KCNIP4: variants seen among roughly 807,000 people sequenced by gnomAD.
The protein encoded by KCNIP4 is Kv channel-interacting protein 4.
A neutral mutation model predicts 34.0 loss-of-function variants in KCNIP4; 12 were observed. The observed-to-expected ratio is 0.35, with a 90% CI of 0.23 to 0.57. KCNIP4 has a LOEUF of 0.57. Among genes scored for constraint, KCNIP4 ranks in the 20% least tolerant of loss-of-function variants. The pLI is 0.83. For missense variants in KCNIP4, 238 were observed against 311.7 expected (o/e 0.76, Z 1.78); for synonymous variants, 124 against 102.2 (o/e 1.21, Z -1.29).
At chr4:21,320,965 A>AAAAAAAAAAG (rs1714336694) in intron 1 of KCNIP4, among the ~76,000 whole-genome samples, 1 of 87,020 alleles carries the variant, frequency 1.1e-5, no homozygotes, top group South Asian at 4.7e-4. Context: ...AATCTGTCTT[A>AAAAAAAAAAG]AAAAAAAAAA....
At position 21,108,777 on chromosome 4, in the gene KCNIP4, G is replaced by A. The variant is rs1246899513; in HGVS notation, c.62-226068C>T. ...ATGGTGATGTACAGATGGGTTTTTGGTGTGGATGTCCTTTCTGTTTGTTGG... is the reference window on the plus strand; with the variant it reads ...ATGGTGATGTACAGATGGGTTTTTGATGTGGATGTCCTTTCTGTTTGTTGG... On this transcript the variant is annotated intron_variant, in intron 1 of 8. Transcript: ENST00000382152. Among the ~76,000 whole-genome samples, 9 of 152,060 alleles carry A rather than the reference G, an allele frequency of 5.9e-5. No individual in the cohort carries two copies. In the East Asian group the frequency reaches 1.5e-3, roughly 26 times the overall value.
At chr4:21,863,508 A>C (rs1036864404) in intron 1 of KCNIP4, among the ~76,000 whole-genome samples, 2 of 152,080 alleles carry the variant, frequency 1.3e-5, no homozygotes, top group African/African-American at 4.8e-5. Context: ...GCTATTTTTG[A>C]TAGATAGATG....
At chr4:21,790,340 T>A (rs1720192371) in intron 1 of KCNIP4, among the ~76,000 whole-genome samples, 1 of 152,192 alleles carries the variant, frequency 6.6e-6, no homozygotes, top group African/African-American at 2.4e-5. Context: ...ATGCTGGAAA[T>A]CTAAGCAACC....
chr4:21,593,119 T>TTTGTG (rs1560543855), intron 1 of KCNIP4, among the ~76,000 whole-genome samples: 15,390 of 134,760 alleles, frequency 0.11, 886 homozygotes, highest in Middle Eastern at 0.22. Context: ...GTGTGTGTGT[T>TTTGTG]TGTGTGTGTG....
intron 1 of KCNIP4, among the ~76,000 whole-genome samples, chr4:20,939,427 G>T (rs1051667360): frequency 2.6e-5 from 4 of 151,944 alleles, no homozygotes; most frequent in Admixed American, 2.6e-4. Flanking sequence ...AGGCTGGAGT[G>T]CAGTGGTGCA....
intron 1 of KCNIP4, among the ~76,000 whole-genome samples, chr4:20,898,721 G>T (rs1368336860): frequency 2.0e-5 from 3 of 152,106 alleles, no homozygotes; most frequent in African/African-American, 7.2e-5. Context: ...AAACTGTAAG[G>T]ATGTGGTTAA....
At chr4:21,362,844 A>T (rs767832311) in intron 1 of KCNIP4, among the ~76,000 whole-genome samples, 3 of 152,192 alleles carry the variant, frequency 2.0e-5, no homozygotes, top group Non-Finnish European at 4.4e-5. Flanking sequence ...GTTTATATGC[A>T]TCCTTCCTGT....
rs537604022 is a variant in KCNIP4 at position 21,371,139 on chromosome 4, C to T, written c.62-488430G>A. Among the ~76,000 whole-genome samples, 16 of 143,772 alleles carry T rather than the reference C, an allele frequency of 1.1e-4. 1 individual carries two copies. Among genetic ancestry groups the T allele is most frequent in the African/African-American group, 4.1e-4 (14 of 34,392 alleles). The allele number at this position is 143,772 out of a possible 152,430, so 94.3% of individuals were successfully genotyped here. A position where few individuals can be genotyped will look rare whatever the true frequency, so the allele number is the denominator to read the frequency against. On this transcript the variant is annotated intron_variant, in intron 1 of 8. Transcript: ENST00000382152. ...TAGGAACCAAATCTTGAAGGCTCTTCCATTACAGGCATAGATGTTTGGACT... is the reference window on the plus strand; with the variant it reads ...TAGGAACCAAATCTTGAAGGCTCTTTCATTACAGGCATAGATGTTTGGACT...
At chr4:20,993,655 T>C (rs190040877) in intron 1 of KCNIP4, among the ~76,000 whole-genome samples, 64 of 152,334 alleles carry the variant, frequency 4.2e-4, no homozygotes, top group African/African-American at 1.5e-3. Context: ...GTGTTGCAGC[T>C]TATGTGCCTG....
At chr4:21,141,729 GA>G (rs1751966715) in intron 1 of KCNIP4, among the ~76,000 whole-genome samples, 1 of 152,036 alleles carries the variant, frequency 6.6e-6, no homozygotes, top group Admixed American at 6.6e-5. Flanking sequence ...CAATGTAAAA[GA>G]AATGATGCAA....
chr4:20,866,548 A>G (rs73242537), intron 2 of KCNIP4, among the ~76,000 whole-genome samples: 15,610 of 152,104 alleles, frequency 0.1, 867 homozygotes, highest in Middle Eastern at 0.14. Context: ...CACAGCCAAC[A>G]TCATACTAAA....
chr4:21,216,942 C>T (rs1488400554), intron 1 of KCNIP4, among the ~76,000 whole-genome samples: 1 of 152,156 alleles, frequency 6.6e-6, no homozygotes, highest in Non-Finnish European at 1.5e-5. Flanking sequence ...TGACAAGTTT[C>T]ATACTGAAAA....
intron 1 of KCNIP4, among the ~76,000 whole-genome samples, chr4:21,600,873 T>C (rs1743064675): frequency 6.6e-6 from 1 of 151,784 alleles, no homozygotes; most frequent in Non-Finnish European, 1.5e-5. Context: ...TATCTATCCT[T>C]GCTCAGGTAC....
intron 1 of KCNIP4, among the ~76,000 whole-genome samples, chr4:21,395,684 T>G (rs1259534437): frequency 9.2e-5 from 14 of 152,270 alleles, no homozygotes; most frequent in Middle Eastern, 3.4e-3. Flanking sequence ...AAATGTATAG[T>G]ATAAAAACTG....
At chr4:21,504,294 C>A (rs1733608639) in intron 1 of KCNIP4, among the ~76,000 whole-genome samples, 1 of 151,550 alleles carries the variant, frequency 6.6e-6, no homozygotes, top group African/African-American at 2.4e-5. Context: ...ATGGTGAAAC[C>A]CCGTCTCTAT....
intron 1 of KCNIP4, among the ~76,000 whole-genome samples, chr4:21,250,120 C>CA (rs1553846388): frequency 7.0e-6 from 1 of 143,364 alleles, no homozygotes; most frequent in Non-Finnish European, 1.5e-5. Flanking sequence ...TCATTTCTTT[C>CA]TTTTTTTTTT....
chr4:20,802,112 CTA>C (rs1239346170), intron 3 of KCNIP4, among the ~76,000 whole-genome samples: 2 of 119,456 alleles, frequency 1.7e-5, no homozygotes, highest in Non-Finnish European at 3.3e-5. Flanking sequence ...TATATATATG[CTA>C]TATATATGCT....
At chr4:21,070,568 A>C (rs917220214) in intron 1 of KCNIP4, among the ~76,000 whole-genome samples, 1 of 151,212 alleles carries the variant, frequency 6.6e-6, no homozygotes, top group Admixed American at 6.6e-5. Flanking sequence ...TCATGGGCTC[A>C]CTGGACACCC....
At chr4:21,083,017 T>C (rs903760853) in intron 1 of KCNIP4, among the ~76,000 whole-genome samples, 3 of 151,848 alleles carry the variant, frequency 2.0e-5, no homozygotes, top group Admixed American at 1.3e-4. Flanking sequence ...CAGAGTAATA[T>C]AGTCAGTAAG....
Sources: gnomAD v4.1 joint callset for allele counts (sites outside exome capture counted in the v4.1 genomes callset) on GRCh38, gnomAD v4.1.1 for gene constraint, MANE v1.5 for transcripts, NCBI Gene and HGNC (gene_info 2026-07-23, HGNC 2026-07-21) for gene names.